Variants in CD302 observed in about 807,000 individuals in gnomAD.
CD302 encodes the protein CD302 molecule, also known as CD302 antigen.
In CD302, 23 loss-of-function variants were observed where a neutral mutation model predicts 26.5. The ratio of observed to expected loss-of-function variants is 0.87; its 90% CI spans 0.62 to 1.23. The LOEUF (loss-of-function observed/expected upper bound fraction) is 1.23, where lower values mean the gene tolerates loss of function less well. CD302 is among the 50% of genes most tolerant of loss of function. The probability of loss-of-function intolerance (pLI) is 0.00; values close to 1 mark genes in which losing one functional copy is unlikely to be tolerated. For missense variants in CD302, 290 were observed against 275.5 expected, an observed-to-expected ratio of 1.05 and a Z score of -0.37; for synonymous variants, 90 against 99.4, an observed-to-expected ratio of 0.91 and a Z score of 0.56.
intron 5 of CD302, among the ~76,000 whole-genome samples, chr2:159,772,729 T>C (rs1574483326): frequency 6.6e-6 from 1 of 152,228 alleles, no homozygotes; most frequent in Admixed American, 6.5e-5. Flanking sequence ...GTGAAAACTT[T>C]TCAGAATTAT....
At chr2:159,780,323 T>G in intron 3 of CD302, 145 bp from the exon 4 acceptor site, 1 of 942,714 alleles carries the variant, frequency 1.1e-6, no homozygotes, top group Non-Finnish European at 1.5e-6. Context: ...AGGAGGAATA[T>G]ATCCTGTGTA....
chr2:159,789,426 CAATCTT>C (rs1411675232), intron 1 of CD302, among the ~76,000 whole-genome samples: 1 of 152,030 alleles, frequency 6.6e-6, no homozygotes, highest in Non-Finnish European at 1.5e-5. Flanking sequence ...TTAAAATTCT[CAATCTT>C]AGTATTTATA....
chr2:159,783,536 T>G, intron 1 of CD302, 67 bp from the exon 2 acceptor site: 1 of 1,281,446 alleles, frequency 7.8e-7, no homozygotes. Flanking sequence ...TTCCCAAAGA[T>G]AAGGATATTA....
rs1277258180 is a variant in CD302 at position 159,783,483 on chromosome 2, A to C, written c.68-14T>G. The C allele has an allele frequency of 1.3e-6, 2 of 1,563,512 alleles. No homozygotes were observed. The highest frequency in any genetic ancestry group is 1.7e-6 in the Non-Finnish European group (2 of 1,155,294). ...ATGAAGGACAGTCTATGTAGAAAAA[A>C]GAAGAACACTGTTAAATAACTTGAG... On this transcript the variant is annotated splice_polypyrimidine_tract_variant and intron_variant, in intron 1 of 5. Transcript: ENST00000259053.
At chr2:159,780,773 G>C in intron 3 of CD302, 109 bp downstream of exon 3, 2 of 990,170 alleles carry the variant, frequency 2.0e-6, no homozygotes, top group Non-Finnish European at 3.1e-6. Context: ...TTTAACACCT[G>C]GAGGCCACAG....
rs1357997262 is a variant in CD302, at chr2:159,771,995, CA to C, written c.554del (p.Leu185TrpfsTer36). 1 of 1,613,616 alleles carries C rather than the reference CA, an allele frequency of 6.2e-7. No homozygotes were observed. The highest frequency in any genetic ancestry group is 2.2e-5 in the East Asian group (1 of 44,844). On this transcript the variant is annotated frameshift_variant, in exon 6 of 6. Transcript: ENST00000259053. LOFTEE classifies it high-confidence loss of function. ...VIASTVILTVLGAIIWFLYKK... is the reference protein window; with the variant it reads ...VIASTVILTVXGAIIWFLYKK... ...TGTACAGGAACCAAATGATTGCTCC[CA>C]AAACTGTCAAAATTACCGTGCTAGC... is the stretch of plus-strand genomic sequence containing the variant.
rs1277192222 is a variant in CD302, at chr2:159,794,307, A to AT, written c.67+3824_67+3825insA. Among the ~76,000 whole-genome samples the AT allele has an allele frequency of 1.5e-3, 86 of 56,706 alleles. 1 individual carries two copies. The highest frequency in any genetic ancestry group is 4.1e-3 in the African/African-American group (75 of 18,450). The allele number at this position is 56,706 out of a possible 152,430, so 37.2% of individuals were successfully genotyped here. A position where few individuals can be genotyped will look rare whatever the true frequency, so the allele number is the denominator to read the frequency against. ...TAAAATAAAATAAAATAAAATAATAAAAAAAAAAACACTAAATAACCCACA... is the reference window on the plus strand; with the variant it reads ...TAAAATAAAATAAAATAAAATAATAATAAAAAAAAACACTAAATAACCCACA... On this transcript the variant is annotated intron_variant, in intron 1 of 5. Transcript: ENST00000259053.
chr2:159,787,923 G>A (rs542595176), intron 1 of CD302, among the ~76,000 whole-genome samples: 173 of 152,202 alleles, frequency 1.1e-3, no homozygotes, highest in Non-Finnish European at 2.0e-3. Context: ...TGGCCAACAT[G>A]GTGAAAACCT....
chr2:159,789,960 GA>G (rs1708764184), intron 1 of CD302, among the ~76,000 whole-genome samples: 1 of 142,498 alleles, frequency 7.0e-6, no homozygotes, highest in Admixed American at 7.5e-5. Context: ...GATTCTTATG[GA>G]ATTTAATCTA....
chr2:159,773,670 A>G (rs1007442726), intron 5 of CD302, among the ~76,000 whole-genome samples: 10 of 152,212 alleles, frequency 6.6e-5, no homozygotes, highest in African/African-American at 2.4e-4. Context: ...CTAGCTGCAT[A>G]CTACTAAAAT....
intron 4 of CD302, among the ~76,000 whole-genome samples, chr2:159,778,575 AAGCAGG>A (rs1160780877): frequency 1.3e-5 from 2 of 152,260 alleles, no homozygotes; most frequent in Non-Finnish European, 2.9e-5. Context: ...AAAGGAAATA[AAGCAGG>A]ATGTGGAGTT....
rs1708144858 is a variant in CD302 at position 159,771,477 on chromosome 2, C to A, written c.*374G>T. 2 of 160,658 alleles carry A rather than the reference C, an allele frequency of 1.2e-5. No homozygotes were observed. Among genetic ancestry groups the A allele is most frequent in the Admixed American group, 6.2e-5 (1 of 16,104 alleles). The allele number at this position is 160,658 out of a possible 1,614,324, so 10.0% of individuals were successfully genotyped here. Reference sequence around the variant, plus strand: ...GGGATGTACTTAAAATCACTTATTCCCCATTTCATGTTTACTAATAAACAT... The same window carrying A: ...GGGATGTACTTAAAATCACTTATTCACCATTTCATGTTTACTAATAAACAT... On this transcript the variant is annotated 3_prime_UTR_variant, in exon 6 of 6. Coordinates refer to ENST00000259053, the MANE Select transcript of CD302 (RefSeq NM_014880.5).
At chr2:159,781,029 G>T (rs919560591) in intron 2 of CD302, 31 bp from the exon 3 acceptor site, 1 of 1,555,268 alleles carries the variant, frequency 6.4e-7, no homozygotes, top group Non-Finnish European at 8.7e-7. Flanking sequence ...AAAAAAGTCA[G>T]CATATTCCAG....
chr2:159,779,059 A>G (rs1192779349), intron 4 of CD302, among the ~76,000 whole-genome samples: 2 of 151,726 alleles, frequency 1.3e-5, no homozygotes, highest in Admixed American at 6.6e-5. Flanking sequence ...GTGAAACCCC[A>G]TCTCTACTAA....
intron 4 of CD302, 97 bp from the exon 5 acceptor site, chr2:159,778,061 A>G: frequency 2.3e-6 from 1 of 439,658 alleles, no homozygotes. Context: ...AAACCCTTTT[A>G]TTAGTAGCTT....
At chr2:159,775,116 G>GA (rs1431693891) in intron 5 of CD302, among the ~76,000 whole-genome samples, 3 of 152,096 alleles carry the variant, frequency 2.0e-5, no homozygotes, top group African/African-American at 7.2e-5. Context: ...TTCCCTATAG[G>GA]ATGTGTCACC....
intron 1 of CD302, among the ~76,000 whole-genome samples, chr2:159,786,909 C>T (rs1166913199): frequency 2.6e-5 from 4 of 152,146 alleles, no homozygotes; most frequent in Non-Finnish European, 5.9e-5. Context: ...CATCTCTAAC[C>T]TAACTTCTAA....
intron 5 of CD302, among the ~76,000 whole-genome samples, chr2:159,775,368 C>T (rs572795868): frequency 6.6e-6 from 1 of 152,218 alleles, no homozygotes; most frequent in Non-Finnish European, 1.5e-5. Flanking sequence ...GTTGCCAGAT[C>T]TTTCAACTAT....
intron 1 of CD302, among the ~76,000 whole-genome samples, chr2:159,797,225 G>GGT (rs1271777933): frequency 7.4e-6 from 1 of 135,120 alleles, no homozygotes; most frequent in African/African-American, 2.7e-5. Flanking sequence ...CAAGGGGTGG[G>GGT]GGGGGGGAAT....
Sources: gnomAD v4.1 joint callset for allele counts (sites outside exome capture counted in the v4.1 genomes callset) on GRCh38, gnomAD v4.1.1 for gene constraint, MANE v1.5 for transcripts, NCBI Gene and HGNC (gene_info 2026-07-23, HGNC 2026-07-21) for gene names.